Variants in SFMBT2 observed in about 807,000 individuals in gnomAD.
SFMBT2 encodes the protein Scm like with four mbt domains 2, also known as scm-like with four MBT domains protein 2.
Under a neutral mutation model 110.1 loss-of-function variants are expected in SFMBT2, and 38 were observed. The ratio of observed to expected loss-of-function variants is 0.35; its 90% CI spans 0.27 to 0.45. The LOEUF (loss-of-function observed/expected upper bound fraction) is 0.45, where lower values mean the gene tolerates loss of function less well. Among genes scored for constraint, SFMBT2 ranks in the 20% least tolerant of loss-of-function variants. The pLI is 1.00. For synonymous variants in SFMBT2, 425 were observed against 425.4 expected (o/e 1.00, Z 0.01); for missense variants, 1,011 against 1,094.9 (o/e 0.92, Z 1.08).
At chr10:7,188,558 C>A in intron 16 of SFMBT2, 66 bp downstream of exon 16, 1 of 1,269,534 alleles carries the variant, frequency 7.9e-7, no homozygotes, top group Non-Finnish European at 1.1e-6. Context: ...AGAGAAGTGG[C>A]AAGGTTCAAA....
chr10:7,197,973 G>C (rs1048797654), intron 14 of SFMBT2: 2 of 984,554 alleles, frequency 2.0e-6, no homozygotes, highest in African/African-American at 3.5e-5. Flanking sequence ...TTGAGAAAGA[G>C]GCGCTGTGTC....
At chr10:7,270,912 T>A (rs1229654892) in intron 7 of SFMBT2, among the ~76,000 whole-genome samples, 1 of 152,216 alleles carries the variant, frequency 6.6e-6, no homozygotes, top group Admixed American at 6.5e-5. Flanking sequence ...GAATGATTAA[T>A]GTGTATACCT....
intron 4 of SFMBT2, among the ~76,000 whole-genome samples, chr10:7,307,337 C>G (rs892120862): frequency 3.3e-5 from 5 of 152,264 alleles, no homozygotes; most frequent in Admixed American, 1.3e-4. Context: ...AACTAGATAA[C>G]CCAATTCTAA....
In SFMBT2 at chr10:7,162,496, A is replaced by C. The variant is rs773740868; in HGVS notation, c.*1274T>G. 6.6e-6 allele frequency: 1 copy of C among 152,286 alleles called. No individual in the cohort carries two copies. The highest frequency in any genetic ancestry group is 1.5e-5 in the Non-Finnish European group (1 of 68,070). 9.4% of individuals were successfully genotyped at this position (152,286 alleles called of 1,614,324 possible). A position where few individuals can be genotyped will look rare whatever the true frequency, so the allele number is the denominator to read the frequency against. ...CCAGATTCACTGCTCCTGCTGCATC[A>C]TGCCTGGTTCATATGCTGCCAGCTA... On this transcript the variant is annotated 3_prime_UTR_variant, in exon 21 of 21. Transcript: ENST00000397167.
intron 4 of SFMBT2, among the ~76,000 whole-genome samples, chr10:7,347,892 T>A (rs1442276570): frequency 6.6e-6 from 1 of 152,168 alleles, no homozygotes; most frequent in Admixed American, 6.5e-5. Context: ...CATAAATACA[T>A]ACACTTAACT....
chr10:7,341,211 G>A (rs944705489), intron 4 of SFMBT2, among the ~76,000 whole-genome samples: 1 of 152,208 alleles, frequency 6.6e-6, no homozygotes, highest in African/African-American at 2.4e-5. Context: ...ATCAGGGGCA[G>A]AGCGGGAACG....
At chr10:7,351,397 T>G (rs1037543161) in intron 4 of SFMBT2, among the ~76,000 whole-genome samples, 11 of 152,216 alleles carry the variant, frequency 7.2e-5, no homozygotes. Context: ...TTCTTAGCAC[T>G]GCTCTAAGGA....
chr10:7,213,534 T>C (rs939499995), intron 11 of SFMBT2, among the ~76,000 whole-genome samples: 5 of 152,232 alleles, frequency 3.3e-5, no homozygotes, highest in African/African-American at 1.2e-4. Flanking sequence ...GCTTCCGACT[T>C]GGGTGAATAA....
At chr10:7,319,773 A>G (rs1843117577) in intron 4 of SFMBT2, among the ~76,000 whole-genome samples, 1 of 147,126 alleles carries the variant, frequency 6.8e-6, no homozygotes, top group Admixed American at 6.7e-5. Context: ...AGAGAGACAC[A>G]GAGAGAGAGA....
intron 1 of SFMBT2, among the ~76,000 whole-genome samples, chr10:7,384,783 C>T (rs1303446505): frequency 6.6e-6 from 1 of 152,212 alleles, no homozygotes; most frequent in Non-Finnish European, 1.5e-5. Flanking sequence ...GAGCTGCATT[C>T]TTCTAAGAGC....
chr10:7,355,545 G>A (rs1844477805), intron 4 of SFMBT2, among the ~76,000 whole-genome samples: 1 of 152,134 alleles, frequency 6.6e-6, no homozygotes, highest in Non-Finnish European at 1.5e-5. Context: ...AGTTAATTTT[G>A]TTCATGTCTG....
chr10:7,266,000 C>CG (rs1350449945), intron 7 of SFMBT2, among the ~76,000 whole-genome samples: 2 of 151,904 alleles, frequency 1.3e-5, no homozygotes, highest in Non-Finnish European at 2.9e-5. Flanking sequence ...ATATAATAGT[C>CG]GGGGGAATCA....
At chr10:7,285,792 A>G in intron 5 of SFMBT2, 74 bp downstream of exon 5, 1 of 797,978 alleles carries the variant, frequency 1.3e-6, no homozygotes, top group East Asian at 2.4e-5. Context: ...ATATATGCAA[A>G]GGTGCTGTCA....
intron 4 of SFMBT2, among the ~76,000 whole-genome samples, chr10:7,359,621 C>A (rs974535553): frequency 6.6e-6 from 1 of 152,130 alleles, no homozygotes; most frequent in South Asian, 2.1e-4. Context: ...TTTCATGTAG[C>A]GCAGAAAAAC....
chr10:7,371,159 T>C (rs1190120408), intron 2 of SFMBT2, among the ~76,000 whole-genome samples: 1 of 152,230 alleles, frequency 6.6e-6, no homozygotes, highest in Non-Finnish European at 1.5e-5. Context: ...AGTCTTGCTC[T>C]GTCACCCAGG....
intron 4 of SFMBT2, among the ~76,000 whole-genome samples, chr10:7,322,807 G>C (rs1198832795): frequency 1.3e-5 from 2 of 152,162 alleles, no homozygotes; most frequent in African/African-American, 2.4e-5. Context: ...TTCACATCTA[G>C]CCCAAGGCCA....
intron 6 of SFMBT2, among the ~76,000 whole-genome samples, chr10:7,279,326 C>T (rs1054221335): frequency 6.6e-6 from 1 of 152,208 alleles, no homozygotes; most frequent in African/African-American, 2.4e-5. Context: ...ACAAGAAGCC[C>T]AGGTGCCAGG....
At chr10:7,167,071 A>G (rs1183967364) in intron 20 of SFMBT2, among the ~76,000 whole-genome samples, 3 of 152,192 alleles carry the variant, frequency 2.0e-5, no homozygotes, top group Non-Finnish European at 4.4e-5. Flanking sequence ...GCAAAATTAA[A>G]TCGATTTTGA....
chr10:7,369,340 T>C (rs1721652595), intron 3 of SFMBT2, among the ~76,000 whole-genome samples: 1 of 152,228 alleles, frequency 6.6e-6, no homozygotes, highest in African/African-American at 2.4e-5. Flanking sequence ...CATTTCTATT[T>C]CTATTAAAAC....
Sources: allele counts gnomAD v4.1 joint callset (sites outside exome capture counted in the v4.1 genomes callset), GRCh38; gene constraint gnomAD v4.1.1; transcripts MANE v1.5; gene names NCBI Gene and HGNC (gene_info 2026-07-23, HGNC 2026-07-21).